The following MCCC2 variants were observed in gnomAD, a reference collection of about 807,000 sequenced individuals.
MCCC2 encodes methylcrotonyl-CoA carboxylase subunit 2, also known as methylcrotonoyl-CoA carboxylase beta chain, mitochondrial.
A neutral mutation model predicts 77.2 loss-of-function variants in MCCC2; 52 were observed. That is an observed-to-expected ratio of 0.67 (90% CI 0.54 to 0.85). The LOEUF is 0.85. MCCC2 is among the 40% of genes least tolerant of loss of function. The pLI, the probability that MCCC2 is intolerant of heterozygous loss-of-function variation, is 0.00. For synonymous variants in MCCC2, 253 were observed against 248.4 expected (o/e 1.02, Z -0.18); for missense variants, 682 against 703.2 (o/e 0.97, Z 0.34).
At chr5:71,653,647 C>T (rs927574215) in intron 16 of MCCC2, among the ~76,000 whole-genome samples, 5 of 151,864 alleles carry the variant, frequency 3.3e-5, no homozygotes, top group Admixed American at 1.3e-4. Flanking sequence ...CCCAGGAGTT[C>T]GAAACTAGCG....
At chr5:71,614,619 GACT>G (rs1166817572) in intron 6 of MCCC2, among the ~76,000 whole-genome samples, 1 of 151,950 alleles carries the variant, frequency 6.6e-6, no homozygotes, top group Non-Finnish European at 1.5e-5. Context: ...GAGTAGCTGG[GACT>G]ATAGGCACAT....
intron 6 of MCCC2, 91 bp downstream of exon 6, chr5:71,604,559 C>A: frequency 3.3e-6 from 3 of 900,792 alleles, no homozygotes; most frequent in Non-Finnish European, 5.3e-6. Flanking sequence ...GAAAGTAAAA[C>A]AGAATTTAAC....
chr5:71,615,415 A>C (rs1347060551), intron 6 of MCCC2, among the ~76,000 whole-genome samples: 1 of 152,010 alleles, frequency 6.6e-6, no homozygotes, highest in Non-Finnish European at 1.5e-5. Context: ...TTTTCGTGAA[A>C]TTCTCCTTAT....
rs1747646473 is a variant in MCCC2 at position 71,658,616 on chromosome 5, C to T, written c.*1756C>T. On this transcript the variant is annotated 3_prime_UTR_variant, in exon 17 of 17. Transcript: ENST00000340941. ...AAAAATCCATATTGTAATTGATGTCCTCTGGCCACATAGTTTTAAAATTAG... is the reference window on the plus strand; with the variant it reads ...AAAAATCCATATTGTAATTGATGTCTTCTGGCCACATAGTTTTAAAATTAG... 1 of 152,154 alleles carries T rather than the reference C, an allele frequency of 6.6e-6. No individual in the cohort carries two copies. Among genetic ancestry groups the T allele is most frequent in the South Asian group, 2.1e-4 (1 of 4,834 alleles). The allele number at this position is 152,154 out of a possible 1,614,324, so 9.4% of individuals were successfully genotyped here. A position where few individuals can be genotyped will look rare whatever the true frequency, so the allele number is the denominator to read the frequency against.
Position 71,641,065 on chromosome 5 carries a change from A to G in MCCC2, c.1062A>G (p.Thr354=), listed in dbSNP as rs1393707362. Residue 354 remains threonine (T), a synonymous_variant, in exon 11 of 17, where the codon ACA becomes ACG. Coordinates refer to ENST00000340941, the MANE Select transcript of MCCC2 (RefSeq NM_022132.5). ...AGTTCAAAGCCTTTTATGGAGACAC[A>G]TTAGTTACAGGTATAAAGGTGAAGA... ...FTEFKAFYGD[T]LVTGFARIFG... is the part of the protein sequence containing the mutation. The G allele has an allele frequency of 1.9e-6, 3 of 1,613,644 alleles. No individual in the cohort carries two copies. In the East Asian group the frequency reaches 6.7e-5, roughly 36 times the overall value.
At position 71,640,382 on chromosome 5, in the gene MCCC2, ATTT is replaced by A. The variant is rs60843078; in HGVS notation, c.1000-602_1000-600del. On this transcript the variant is annotated intron_variant, in intron 10 of 16. Coordinates refer to ENST00000340941, the MANE Select transcript of MCCC2 (RefSeq NM_022132.5). ...GAAAGGAATAGTTAGCACTTTTTAC[ATTT>A]TTTTTTTTTTTTTTTTTTAACAGAT... Among the ~76,000 whole-genome samples the A allele has an allele frequency of 7.3e-3, 798 of 109,134 alleles. 10 individuals carry two copies. Among genetic ancestry groups the A allele is most frequent in the African/African-American group, 0.02 (598 of 29,506 alleles). The allele number at this position is 109,134 out of a possible 152,430, so 71.6% of individuals were successfully genotyped here. A position where few individuals can be genotyped will look rare whatever the true frequency, so the allele number is the denominator to read the frequency against.
chr5:71,610,797 T>C (rs1745905099), intron 6 of MCCC2, among the ~76,000 whole-genome samples: 1 of 151,324 alleles, frequency 6.6e-6, no homozygotes, highest in African/African-American at 2.4e-5. Flanking sequence ...CTATCCTGGC[T>C]AACGCGGTGA....
intron 12 of MCCC2, 51 bp downstream of exon 12, chr5:71,643,946 C>T (rs111369925): frequency 1.5e-5 from 24 of 1,602,128 alleles, no homozygotes; most frequent in Admixed American, 1.2e-4. Flanking sequence ...TTTAACATAA[C>T]GTTGAAGGTC....
intron 8 of MCCC2, among the ~76,000 whole-genome samples, chr5:71,633,094 TATATATATATATATATATA>T (rs1746779894): frequency 3.2e-4 from 2 of 6,346 alleles, no homozygotes; most frequent in East Asian, 0.01. Flanking sequence ...TTCAGTTTTA[TATATATATATATATATATA>T]TATATATATA....
intron 2 of MCCC2, among the ~76,000 whole-genome samples, chr5:71,595,274 C>CA (rs1745137687): frequency 6.6e-6 from 1 of 150,862 alleles, no homozygotes; most frequent in Non-Finnish European, 1.5e-5. Flanking sequence ...GACCTCATCA[C>CA]AAAAATTTAG....
intron 10 of MCCC2, among the ~76,000 whole-genome samples, chr5:71,637,162 G>A (rs1164247795): frequency 6.6e-6 from 1 of 152,104 alleles, no homozygotes; most frequent in African/African-American, 2.4e-5. Flanking sequence ...TTCTTCCTAA[G>A]AAATTTTCAA....
intron 3 of MCCC2, among the ~76,000 whole-genome samples, chr5:71,598,804 T>C (rs1404563280): frequency 2.0e-5 from 3 of 151,732 alleles, no homozygotes; most frequent in Admixed American, 2.0e-4. Context: ...CAGGCTGGAG[T>C]GCAGTGGCAC....
chr5:71,650,473 T>A (rs938410076), intron 15 of MCCC2, among the ~76,000 whole-genome samples: 1 of 152,132 alleles, frequency 6.6e-6, no homozygotes, highest in Admixed American at 6.5e-5. Flanking sequence ...TATTTATTTT[T>A]AAAATTTTTG....
rs529248704 is a variant in MCCC2, at chr5:71,614,701, C to T, written c.624+10233C>T. On this transcript the variant is annotated intron_variant, in intron 6 of 16. Transcript: ENST00000340941. The stretch of plus-strand genomic sequence containing the variant: ...GTTTTACTATGTTGCCCAGGCTGGT[C>T]TCGAACTCCTGAGGTCAAGTGATCT... Among the ~76,000 whole-genome samples the T allele has an allele frequency of 4.6e-5, 7 of 152,182 alleles. No individual in the cohort carries two copies. The East Asian group carries it at 1.4e-3, about 29-fold the overall frequency.
At chr5:71,598,101 TCTCA>T (rs765694361) in intron 3 of MCCC2, among the ~76,000 whole-genome samples, 64 of 139,180 alleles carry the variant, frequency 4.6e-4, no homozygotes, top group Non-Finnish European at 9.4e-4. Flanking sequence ...TGAGACGGAG[TCTCA>T]CTCTGTCACC....
intron 10 of MCCC2, chr5:71,636,407 A>G (rs373267879): frequency 6.1e-6 from 1 of 164,066 alleles, no homozygotes; most frequent in African/African-American, 2.4e-5. Context: ...AAACTCTGAC[A>G]TACTTGAAAA....
At chr5:71,602,668 A>G in intron 5 of MCCC2, 35 bp downstream of exon 5, 2 of 1,614,134 alleles carry the variant, frequency 1.2e-6, no homozygotes, top group Admixed American at 1.7e-5. Flanking sequence ...AACTATTATT[A>G]GCTGGTAAAA....
chr5:71,637,205 A>G (rs1197775934), intron 10 of MCCC2, among the ~76,000 whole-genome samples: 1 of 152,152 alleles, frequency 6.6e-6, no homozygotes, highest in East Asian at 1.9e-4. Context: ...TAATACAATG[A>G]TCACCTGTAT....
rs1482534419 is a variant in MCCC2 at position 71,656,935 on chromosome 5, C to A, written c.*75C>A. 1.8e-6 allele frequency: 2 copies of A among 1,122,126 alleles called. No individual in the cohort carries two copies. Among genetic ancestry groups the A allele is most frequent in the African/African-American group, 1.5e-5 (1 of 65,346 alleles). 69.5% of individuals were successfully genotyped at this position (1,122,126 alleles called of 1,614,324 possible). On this transcript the variant is annotated 3_prime_UTR_variant, in exon 17 of 17. Coordinates refer to ENST00000340941, the MANE Select transcript of MCCC2 (RefSeq NM_022132.5). ...GTAGTAGCCTTAAAATTTTAGACTT[C>A]TCGAACATGAGGCTGTTACAGTAAT...
Sources: allele counts gnomAD v4.1 joint callset (sites outside exome capture counted in the v4.1 genomes callset), GRCh38; gene constraint gnomAD v4.1.1; transcripts MANE v1.5; gene names NCBI Gene and HGNC (gene_info 2026-07-23, HGNC 2026-07-21).